The following MILR1 variants were observed in gnomAD, a reference collection of about 807,000 sequenced individuals.
MILR1 encodes allergin-1.
A neutral mutation model predicts 18.5 loss-of-function variants in MILR1; 31 were observed. The ratio of observed to expected loss-of-function variants is 1.68; its 90% confidence interval spans 1.26 to 2.26. The LOEUF (loss-of-function observed/expected upper bound fraction) is 2.26, where lower values mean the gene tolerates loss of function less well. MILR1 is among the 30% of genes most tolerant of loss of function. MILR1 has a pLI of 0.00. For synonymous variants in MILR1, 85 were observed against 56.2 expected, an observed-to-expected ratio of 1.51 and a Z score of -2.30; for missense variants, 257 against 157.4, an observed-to-expected ratio of 1.63 and a Z score of -3.38.
chr17:64,492,332 T>C, the MILR1 span, among the ~76,000 whole-genome samples: 3 of 152,180 alleles, frequency 2.0e-5, no homozygotes, highest in African/African-American at 7.2e-5. Context: ...TTGACTAATA[T>C]GGAAAGTTCA....
rs963349092 is a variant in MILR1 at position 64,450,120 on chromosome 17, T to C, written c.97+765T>C. On this transcript the variant is annotated intron_variant, in intron 2 of 9. Coordinates refer to ENST00000619286, the MANE Select transcript of MILR1 (RefSeq NM_001085423.2). ...AGCCTGGCTAATGTTTTGTATTTTT[T>C]GTAGAGACGGGGTTTCACATCGTTA... Among the ~76,000 whole-genome samples the C allele has an allele frequency of 2.0e-5, 3 of 152,070 alleles. No homozygotes were observed. The South Asian group carries it at 6.2e-4, about 32-fold the overall frequency.
At chr17:64,496,491 T>C in the MILR1 span, 9 of 1,612,802 alleles carry the variant, frequency 5.6e-6, no homozygotes, top group Admixed American at 6.7e-5. Flanking sequence ...CTCAGCTCTT[T>C]GTCTTGCAAG....
At chr17:64,484,920 G>C in the MILR1 span, among the ~76,000 whole-genome samples, 1 of 152,070 alleles carries the variant, frequency 6.6e-6, no homozygotes, top group Non-Finnish European at 1.5e-5. Flanking sequence ...TATGTTCAAA[G>C]GGTATATGAC....
chr17:64,496,508 C>T, the MILR1 span: 1 of 1,613,228 alleles, frequency 6.2e-7, no homozygotes, highest in Non-Finnish European at 8.5e-7. Context: ...CAAGATTTCG[C>T]GTAGAGTTTC....
At chr17:64,468,757 G>T (rs1054889171), downstream of MILR1, 6 of 416,460 alleles carry the variant, frequency 1.4e-5, no homozygotes, top group Non-Finnish European at 1.9e-5. Context: ...AGCCACATGG[G>T]CACTTGTCAC....
chr17:64,453,934 T>C (rs1215174874), intron 3 of MILR1, among the ~76,000 whole-genome samples: 1 of 152,104 alleles, frequency 6.6e-6, no homozygotes, highest in African/African-American at 2.4e-5. Flanking sequence ...TTTTATTTCT[T>C]TTTTTCTTTT....
intron 5 of MILR1, among the ~76,000 whole-genome samples, chr17:64,463,300 A>G (rs1353974411): frequency 2.0e-5 from 3 of 151,982 alleles, no homozygotes; most frequent in Non-Finnish European, 4.4e-5. Flanking sequence ...GAGCCACTGC[A>G]CTCAGCCCAG....
the MILR1 span, among the ~76,000 whole-genome samples, chr17:64,494,050 ATC>A: frequency 6.6e-6 from 1 of 152,224 alleles, no homozygotes; most frequent in Non-Finnish European, 1.5e-5. Context: ...CACCCCAAAT[ATC>A]TTTTACTGTT....
chr17:64,481,304 C>G, the MILR1 span: 1 of 985,306 alleles, frequency 1.0e-6, no homozygotes, highest in Non-Finnish European at 1.2e-6. Flanking sequence ...CTCACTATCT[C>G]CCATCTTCCC....
At chr17:64,492,904 C>T in the MILR1 span, 1 of 1,614,082 alleles carries the variant, frequency 6.2e-7, no homozygotes, top group Non-Finnish European at 8.5e-7. Flanking sequence ...CCTTTTAACA[C>T]CATTTCGTAT....
At chr17:64,475,752 A>T in the MILR1 span, among the ~76,000 whole-genome samples, 3 of 151,486 alleles carry the variant, frequency 2.0e-5, no homozygotes, top group Non-Finnish European at 2.9e-5. Flanking sequence ...TTGAGGTATT[A>T]ATCAATGGTT....
chr17:64,452,000 G>A (rs1370479626), intron 2 of MILR1, among the ~76,000 whole-genome samples: 1 of 151,548 alleles, frequency 6.6e-6, no homozygotes, highest in Non-Finnish European at 1.5e-5. Flanking sequence ...AAGAGTGGGA[G>A]GAGAGTTTAC....
the MILR1 span, among the ~76,000 whole-genome samples, chr17:64,493,826 C>G: frequency 6.6e-6 from 1 of 152,148 alleles, no homozygotes. Context: ...AAATAATAAA[C>G]ATCCATATAC....
Position 64,452,828 on chromosome 17 carries a change from G to T in MILR1, c.329G>T (p.Cys110Phe). 1 of 475,228 alleles carries T rather than the reference G, an allele frequency of 2.1e-6. No homozygotes were observed. 29.4% of individuals were successfully genotyped at this position (475,228 alleles called of 1,614,324 possible). The stretch of plus-strand genomic sequence containing the variant: ...AAATGCAAAGCCCAAGTTACCAGCT[G>T]TTCAAAATACAGTCGTGACTTCAGC... ...PYKCKAQVTS[C>F]SKYSRDFSFT... The change falls in exon 3 of 10, where the codon TGT becomes TTT. Residue 110 changes from cysteine (C) to phenylalanine (F), a missense_variant. Coordinates refer to ENST00000619286, the MANE Select transcript of MILR1 (RefSeq NM_001085423.2).
the MILR1 span, chr17:64,485,404 C>G: frequency 2.9e-6 from 1 of 343,936 alleles, no homozygotes; most frequent in Admixed American, 4.4e-5. Context: ...CTTTCTTCCT[C>G]CTATGTACCA....
chr17:64,491,115 A>C, the MILR1 span: 1 of 696,192 alleles, frequency 1.4e-6, no homozygotes, highest in Non-Finnish European at 2.4e-6. Context: ...CAAATTTTAA[A>C]GTTTATTCTA....
At chr17:64,485,632 TTA>T in the MILR1 span, 1 of 1,003,524 alleles carries the variant, frequency 1.0e-6, no homozygotes. Flanking sequence ...AATTTATTAT[TTA>T]GAGTTTATGT....
At chr17:64,455,650 C>T (rs1267933267) in intron 3 of MILR1, among the ~76,000 whole-genome samples, 35 of 147,238 alleles carry the variant, frequency 2.4e-4, no homozygotes, top group African/African-American at 6.3e-4. Context: ...TTAGTAGAGA[C>T]GGGGTTTCAC....
chr17:64,490,592 G>A, the MILR1 span: 1 of 579,978 alleles, frequency 1.7e-6, no homozygotes, highest in Admixed American at 2.9e-5. Flanking sequence ...AGTTCAATTT[G>A]TAGGGCTCTG....
Sources: allele counts gnomAD v4.1 joint callset (sites outside exome capture counted in the v4.1 genomes callset), GRCh38; gene constraint gnomAD v4.1.1; transcripts MANE v1.5; gene names NCBI Gene and HGNC (gene_info 2026-07-23, HGNC 2026-07-21).